The following SFMBT2 variants were observed in gnomAD, a reference collection of about 807,000 sequenced individuals.
The protein encoded by SFMBT2 is Scm like with four mbt domains 2.
A neutral mutation model predicts 110.1 loss-of-function variants in SFMBT2; 38 were observed. The ratio of observed to expected loss-of-function variants is 0.35; its 90% confidence interval spans 0.27 to 0.45. The LOEUF is 0.45. Ranked by LOEUF, SFMBT2 falls within the 20% of genes least tolerant of loss-of-function variation. The pLI, the probability that SFMBT2 is intolerant of heterozygous loss-of-function variation, is 1.00. For missense variants in SFMBT2, 1,011 were observed against 1,094.9 expected, an observed-to-expected ratio of 0.92 and a Z score of 1.08; for synonymous variants, 425 against 425.4, an observed-to-expected ratio of 1.00 and a Z score of 0.01.
chr10:7,210,496 G>C (rs552855943), intron 11 of SFMBT2, among the ~76,000 whole-genome samples: 1 of 152,150 alleles, frequency 6.6e-6, no homozygotes, highest in Admixed American at 6.5e-5. Flanking sequence ...GAAGAAAATC[G>C]GAACAACTGC....
intron 7 of SFMBT2, among the ~76,000 whole-genome samples, chr10:7,253,991 T>A (rs1346442610): frequency 6.6e-6 from 1 of 152,188 alleles, no homozygotes; most frequent in Non-Finnish European, 1.5e-5. Context: ...AATGACGATT[T>A]CAGAAACGTT....
At chr10:7,205,355 T>C in intron 12 of SFMBT2, 4 of 968,386 alleles carry the variant, frequency 4.1e-6, no homozygotes, top group Non-Finnish European at 4.9e-6. Context: ...CCTCCCAAAG[T>C]ACTGAGATTA....
chr10:7,163,903 T>A lies in SFMBT2; in HGVS notation c.2552A>T (p.Asp851Val). 2.5e-6 allele frequency: 4 copies of A among 1,612,550 alleles called. No individual in the cohort carries two copies. The highest frequency in any genetic ancestry group is 3.4e-6 in the Non-Finnish European group (4 of 1,179,338). Residue 851 changes from aspartate to valine, a missense_variant, in exon 21 of 21, where the codon GAC becomes GTC. Around this residue, in one of 2 missense-constraint regions of SFMBT2, gnomAD observed 32 missense variants for 78.8 expected, o/e 0.41. Transcript: ENST00000397167. This position sits in a 1 kb window ranked among gnomAD's most constrained non-coding sequence, Gnocchi z 4.8. Reference sequence around the variant, plus strand: ...GGTCAGAAGCAGGAGTGCTTGGCCGTCAATATCCTGCAGGAAAAGAAAGGC... The same window carrying A: ...GGTCAGAAGCAGGAGTGCTTGGCCGACAATATCCTGCAGGAAAAGAAAGGC... ...LAKIFQEQDI[D>V]GQALLLLTLP... is the part of the protein sequence containing the mutation.
chr10:7,171,861 C>A lies in SFMBT2; in HGVS notation c.2415+34G>T. The A allele has an allele frequency of 5.0e-6, 7 of 1,389,752 alleles. No homozygotes were observed. Among genetic ancestry groups the A allele is most frequent in the African/African-American group, 1.5e-5 (1 of 66,572 alleles). 86.1% of individuals were successfully genotyped at this position (1,389,752 alleles called of 1,614,324 possible). A position where few individuals can be genotyped will look rare whatever the true frequency, so the allele number is the denominator to read the frequency against. On this transcript the variant is annotated intron_variant, in intron 19 of 20. Coordinates refer to ENST00000397167, the MANE Select transcript of SFMBT2 (RefSeq NM_001387889.1). The surrounding 1 kb of genome is among the most constrained non-coding windows in gnomAD (Gnocchi z 4.9). The stretch of plus-strand genomic sequence containing the variant: ...AACAGGTGTGCTTCTTCAGACCCAG[C>A]GGGAAGCCCTCTGTCCCCACGCCCG...
chr10:7,346,320 T>A (rs1342677924), intron 4 of SFMBT2, among the ~76,000 whole-genome samples: 3 of 152,228 alleles, frequency 2.0e-5, no homozygotes, highest in Admixed American at 1.3e-4. Context: ...TGATGCTGTG[T>A]CTTGGTGATT....
intron 16 of SFMBT2, among the ~76,000 whole-genome samples, chr10:7,180,710 G>A (rs1182870989): frequency 6.6e-6 from 1 of 152,144 alleles, no homozygotes; most frequent in Non-Finnish European, 1.5e-5. Context: ...AACCCACCAG[G>A]GAAAAGGATG....
At chr10:7,269,133 T>G (rs1201830050) in intron 7 of SFMBT2, among the ~76,000 whole-genome samples, 1 of 152,204 alleles carries the variant, frequency 6.6e-6, no homozygotes, top group Non-Finnish European at 1.5e-5. Flanking sequence ...CATCAACTAT[T>G]TATCCTTCAA....
At chr10:7,221,994 C>G (rs2692811) in intron 10 of SFMBT2, among the ~76,000 whole-genome samples, 1 of 152,160 alleles carries the variant, frequency 6.6e-6, no homozygotes. Context: ...TTTCCTTTAT[C>G]TTTCTTTATA....
intron 7 of SFMBT2, among the ~76,000 whole-genome samples, chr10:7,251,470 T>A (rs537582435): frequency 6.6e-6 from 1 of 152,076 alleles, no homozygotes; most frequent in Admixed American, 6.6e-5. Context: ...TGAGACTCCA[T>A]CTCAAAAAGT....
intron 4 of SFMBT2, chr10:7,348,344 AT>A (rs1438443105): frequency 6.6e-7 from 1 of 1,520,072 alleles, no homozygotes; most frequent in Admixed American, 2.2e-5. Context: ...CTACAAAAAA[AT>A]AATCACAGAT....
chr10:7,272,746 C>T (rs1014941118), intron 7 of SFMBT2, among the ~76,000 whole-genome samples: 4 of 152,168 alleles, frequency 2.6e-5, no homozygotes, highest in Non-Finnish European at 5.9e-5. Flanking sequence ...AAGAAGCAGC[C>T]CACAAGCCAC....
At chr10:7,369,574 A>C (rs1845006568) in intron 3 of SFMBT2, among the ~76,000 whole-genome samples, 1 of 152,228 alleles carries the variant, frequency 6.6e-6, no homozygotes, top group Non-Finnish European at 1.5e-5. Context: ...GGTTGGATCC[A>C]AATGTTTTCA....
chr10:7,390,742 A>T (rs1845741548), intron 1 of SFMBT2, among the ~76,000 whole-genome samples: 1 of 152,216 alleles, frequency 6.6e-6, no homozygotes, highest in South Asian at 2.1e-4. Flanking sequence ...TTTGCCTCTA[A>T]CTAGACACTA....
chr10:7,376,931 G>A (rs1293670015), intron 2 of SFMBT2, among the ~76,000 whole-genome samples: 2 of 150,986 alleles, frequency 1.3e-5, no homozygotes, highest in African/African-American at 4.9e-5. Flanking sequence ...CAGCACTTGG[G>A]AGGCCGAGGC....
intron 2 of SFMBT2, among the ~76,000 whole-genome samples, chr10:7,380,269 CAGG>C (rs1845384495): frequency 6.6e-6 from 1 of 152,172 alleles, no homozygotes; most frequent in African/African-American, 2.4e-5. Flanking sequence ...GCTTTACTTG[CAGG>C]AGAAGTCTTC....
intron 4 of SFMBT2, among the ~76,000 whole-genome samples, chr10:7,302,976 AT>A (rs1218188208): frequency 6.6e-6 from 1 of 150,730 alleles, no homozygotes; most frequent in East Asian, 1.9e-4. Flanking sequence ...ATCATAAAAC[AT>A]TTCAATAAAA....
intron 4 of SFMBT2, among the ~76,000 whole-genome samples, chr10:7,287,804 G>A (rs1446787413): frequency 6.6e-6 from 1 of 152,186 alleles, no homozygotes; most frequent in Non-Finnish European, 1.5e-5. Flanking sequence ...TAAGGGTGTG[G>A]GGCAGATCTG....
chr10:7,361,427 T>G (rs1844714768), intron 4 of SFMBT2, among the ~76,000 whole-genome samples: 1 of 152,222 alleles, frequency 6.6e-6, no homozygotes. Context: ...ATGTGCCACC[T>G]GCCAGCATCT....
At chr10:7,398,066 T>C (rs1012535858) in intron 1 of SFMBT2, among the ~76,000 whole-genome samples, 4 of 152,226 alleles carry the variant, frequency 2.6e-5, no homozygotes, top group Admixed American at 6.5e-5. Flanking sequence ...TCAAAATAGA[T>C]TGAAATCTGA....
Sources: gnomAD v4.1 joint callset for allele counts (sites outside exome capture counted in the v4.1 genomes callset) on GRCh38, gnomAD v4.1.1 for gene constraint, gnomAD v4.1.1 regional missense constraint, Gnocchi (gnomAD v3.1) non-coding constraint, MANE v1.5 for transcripts, NCBI Gene and HGNC (gene_info 2026-07-23, HGNC 2026-07-21) for gene names.